Variants in GK5 observed in about 807,000 individuals in gnomAD.
GK5 encodes the protein ATP:glycerol 3-phosphotransferase 5.
GK5 carries 39 observed loss-of-function variants against 77.3 expected under a neutral mutation model. That is an observed-to-expected ratio of 0.50 (90% CI 0.39 to 0.66). GK5 has a LOEUF of 0.66. Among genes scored for constraint, GK5 ranks in the 30% least tolerant of loss-of-function variants. The pLI is 0.00. For synonymous variants in GK5, 211 were observed against 208.0 expected (o/e 1.01, Z -0.13); for missense variants, 487 against 633.8 (o/e 0.77, Z 2.49).
At chr3:142,207,834 T>A (rs1301440057) in intron 3 of GK5, among the ~76,000 whole-genome samples, 2 of 152,204 alleles carry the variant, frequency 1.3e-5, no homozygotes, top group Non-Finnish European at 2.9e-5. Context: ...GCTGGCCAGA[T>A]CACGCAATAT....
chr3:142,197,049 C>T (rs775406527), intron 5 of GK5, among the ~76,000 whole-genome samples: 2 of 151,818 alleles, frequency 1.3e-5, no homozygotes, highest in East Asian at 3.9e-4. Flanking sequence ...TAGCCAGGTG[C>T]GGGGGCGGGT....
At chr3:142,222,429 G>A (rs1031974669) in intron 1 of GK5, among the ~76,000 whole-genome samples, 1 of 152,140 alleles carries the variant, frequency 6.6e-6, no homozygotes, top group African/African-American at 2.4e-5. Context: ...GCCAGGCTTG[G>A]TGGCGGGCGC....
intron 5 of GK5, among the ~76,000 whole-genome samples, chr3:142,189,954 A>C (rs2063826009): frequency 6.6e-6 from 1 of 152,180 alleles, no homozygotes; most frequent in South Asian, 2.1e-4. Context: ...ACAAATAAGT[A>C]ACCAGGCATA....
intron 12 of GK5, among the ~76,000 whole-genome samples, chr3:142,175,680 C>G (rs2063600149): frequency 6.6e-6 from 1 of 152,126 alleles, no homozygotes. Context: ...CAACCTACCA[C>G]CTCTCCCAAC....
Position 142,225,296 on chromosome 3 carries a change from GC to G in GK5, c.147+12del, listed in dbSNP as rs1405991846. The stretch of plus-strand genomic sequence containing the variant: ...CCAGTCAGACCCGCGCCCCACGCCC[GC>G]CCCCAAGTCACCTTCTGCACGCTGG... On this transcript the variant is annotated intron_variant, in intron 1 of 15. Coordinates refer to ENST00000392993, the MANE Select transcript of GK5 (RefSeq NM_001039547.3). 14 of 1,526,610 alleles carry G rather than the reference GC, an allele frequency of 9.2e-6. No individual in the cohort carries two copies. The highest frequency in any genetic ancestry group is 1.2e-5 in the Non-Finnish European group (14 of 1,136,706). The allele number at this position is 1,526,610 out of a possible 1,614,324, so 94.6% of individuals were successfully genotyped here.
At chr3:142,203,121 T>C (rs2064052071) in intron 4 of GK5, among the ~76,000 whole-genome samples, 1 of 152,158 alleles carries the variant, frequency 6.6e-6, no homozygotes, top group South Asian at 2.1e-4. Flanking sequence ...GATTATAAAT[T>C]ACATAATTTA....
intron 3 of GK5, among the ~76,000 whole-genome samples, chr3:142,211,737 T>C (rs1435900507): frequency 6.6e-6 from 1 of 152,128 alleles, no homozygotes. Context: ...GAGGCTGCAG[T>C]GAGCTATGAT....
intron 4 of GK5, chr3:142,204,100 C>G (rs1048786151): frequency 6.8e-5 from 11 of 162,054 alleles, no homozygotes; most frequent in Admixed American, 1.2e-4. Flanking sequence ...ATCACTGCAG[C>G]CTTGAACTCC....
At chr3:142,176,333 G>C (rs11920546) in intron 12 of GK5, among the ~76,000 whole-genome samples, 19,979 of 151,584 alleles carry the variant, frequency 0.13, 1,502 homozygotes, top group Middle Eastern at 0.21. Context: ...CTGAATATGA[G>C]ATAAGCAAGA....
intron 1 of GK5, among the ~76,000 whole-genome samples, chr3:142,218,893 C>T (rs1348178315): frequency 2.0e-5 from 3 of 152,040 alleles, no homozygotes; most frequent in Non-Finnish European, 1.5e-5. Context: ...TTTCAAAACT[C>T]GACAGTAAGA....
chr3:142,199,504 G>A (rs953495663), intron 4 of GK5, among the ~76,000 whole-genome samples: 7 of 152,028 alleles, frequency 4.6e-5, no homozygotes, highest in Admixed American at 6.5e-5. Context: ...ATGAATCAAA[G>A]ACCTGAGAAC....
intron 3 of GK5, among the ~76,000 whole-genome samples, chr3:142,212,708 A>C (rs1362065886): frequency 6.6e-6 from 1 of 152,202 alleles, no homozygotes; most frequent in Non-Finnish European, 1.5e-5. Flanking sequence ...CCTAAATTAT[A>C]GGTTTGTTGT....
intron 2 of GK5, among the ~76,000 whole-genome samples, chr3:142,214,487 G>A (rs755033060): frequency 5.3e-5 from 8 of 152,012 alleles, no homozygotes; most frequent in Non-Finnish European, 8.8e-5. Context: ...TTCAATTTGA[G>A]CATTGAGAAA....
At chr3:142,168,570 AAC>A (rs1477863145) in intron 15 of GK5, among the ~76,000 whole-genome samples, 20 of 152,162 alleles carry the variant, frequency 1.3e-4, no homozygotes, top group African/African-American at 4.3e-4. Context: ...CCCAGAAAGA[AAC>A]ACATTAAAAT....
chr3:142,224,337 G>A (rs1210872365), intron 1 of GK5, among the ~76,000 whole-genome samples: 2 of 152,120 alleles, frequency 1.3e-5, no homozygotes, highest in African/African-American at 4.8e-5. Flanking sequence ...CTTGAGCCCA[G>A]GAGGTCAAAG....
At chr3:142,195,552 A>G (rs1307532092) in intron 5 of GK5, among the ~76,000 whole-genome samples, 1 of 152,004 alleles carries the variant, frequency 6.6e-6, no homozygotes, top group African/African-American at 2.4e-5. Context: ...GTGTCTTGCT[A>G]TATTGCCCAG....
chr3:142,188,404 G>A (rs772026973), intron 5 of GK5, among the ~76,000 whole-genome samples: 4 of 152,120 alleles, frequency 2.6e-5, no homozygotes, highest in Admixed American at 6.5e-5. Context: ...GCATGGTGGC[G>A]GGCACCTGTA....
At chr3:142,213,125 C>T (rs1178159468) in intron 3 of GK5, among the ~76,000 whole-genome samples, 8 of 152,076 alleles carry the variant, frequency 5.3e-5, no homozygotes, top group Non-Finnish European at 1.0e-4. Context: ...TGAGCCACCG[C>T]TCCTGGCCGC....
chr3:142,213,388 C>A, intron 3 of GK5, 138 bp downstream of exon 3: 1 of 622,504 alleles, frequency 1.6e-6, no homozygotes, highest in South Asian at 2.3e-5. Flanking sequence ...AGCCAGAAAG[C>A]AGGCACATTT....
Sources: allele counts gnomAD v4.1 joint callset (sites outside exome capture counted in the v4.1 genomes callset), GRCh38; gene constraint gnomAD v4.1.1; transcripts MANE v1.5; gene names NCBI Gene and HGNC (gene_info 2026-07-23, HGNC 2026-07-21).